CBLB: variants seen among roughly 807,000 people sequenced by gnomAD.
CBLB encodes the protein Cbl proto-oncogene B, also known as E3 ubiquitin-protein ligase CBL-B.
In CBLB, 31 loss-of-function variants were observed where a neutral mutation model predicts 104.9. The ratio of observed to expected loss-of-function variants is 0.30; its 90% CI spans 0.22 to 0.40. The LOEUF is 0.40. CBLB is among the 10% of genes least tolerant of loss of function. CBLB has a pLI of 1.00. For synonymous variants in CBLB, 440 were observed against 422.6 expected (o/e 1.04, Z -0.51); for missense variants, 1,062 against 1,214.6 (o/e 0.87, Z 1.87).
At chr3:105,778,561 A>T (rs867779653) in intron 3 of CBLB, among the ~76,000 whole-genome samples, 5 of 149,646 alleles carry the variant, frequency 3.3e-5, no homozygotes, top group African/African-American at 1.0e-4. Context: ...AAAAAAGTTT[A>T]AAAAAAAACA....
intron 9 of CBLB, among the ~76,000 whole-genome samples, chr3:105,725,823 T>C (rs1038517666): frequency 6.6e-6 from 1 of 152,114 alleles, no homozygotes; most frequent in African/African-American, 2.4e-5. Context: ...TGAAGGAAGA[T>C]AGAGTAAAAC....
At chr3:105,806,867 G>A (rs1421660189) in intron 3 of CBLB, among the ~76,000 whole-genome samples, 1 of 152,096 alleles carries the variant, frequency 6.6e-6, no homozygotes, top group Non-Finnish European at 1.5e-5. Flanking sequence ...AGGCTGATTT[G>A]TGTAAAACAT....
intron 3 of CBLB, among the ~76,000 whole-genome samples, chr3:105,845,658 A>G (rs1259024237): frequency 1.3e-5 from 2 of 152,050 alleles, no homozygotes; most frequent in African/African-American, 4.8e-5. Context: ...ACACAGGGCC[A>G]TAAAGTCCTT....
In CBLB at chr3:105,691,007, A is replaced by C. The variant is rs2067623014; in HGVS notation, c.2054+2487T>G. Among the ~76,000 whole-genome samples, 3 of 152,212 alleles carry C rather than the reference A, an allele frequency of 2.0e-5. No homozygotes were observed. In the South Asian group the frequency reaches 6.2e-4, roughly 31 times the overall value. On this transcript the variant is annotated intron_variant, in intron 13 of 18. Coordinates refer to ENST00000394030, the MANE Select transcript of CBLB (RefSeq NM_170662.5). ...AGGAGGGCATAAAATTATCTCTACC[A>C]TATAATCTAAATAAGGTAAAAACAA... is the stretch of plus-strand genomic sequence containing the variant.
At chr3:105,684,831 G>A (rs151292940) in intron 14 of CBLB, among the ~76,000 whole-genome samples, 2,003 of 152,290 alleles carry the variant, frequency 0.013, 51 homozygotes, top group African/African-American at 0.045. Context: ...GATTACAGGC[G>A]TGAGCCACCA....
intron 5 of CBLB, among the ~76,000 whole-genome samples, chr3:105,746,718 G>C (rs2076135196): frequency 6.6e-6 from 1 of 152,142 alleles, no homozygotes; most frequent in Non-Finnish European, 1.5e-5. Context: ...GTTAACAACT[G>C]CTTCATTTTA....
chr3:105,703,329 CA>C (rs1228988503), intron 11 of CBLB, among the ~76,000 whole-genome samples: 1 of 152,026 alleles, frequency 6.6e-6, no homozygotes, highest in Non-Finnish European at 1.5e-5. Flanking sequence ...ATTGTGCTTC[CA>C]ACAAATTTTA....
chr3:105,824,845 C>T (rs567685126), intron 3 of CBLB, among the ~76,000 whole-genome samples: 1 of 152,072 alleles, frequency 6.6e-6, no homozygotes, highest in East Asian at 1.9e-4. Flanking sequence ...CATCATTCCA[C>T]CTTCTCTTGT....
intron 11 of CBLB, 31 bp from the exon 12 acceptor site, chr3:105,702,490 A>AAAAAAAAAAAAAAAC: frequency 6.8e-7 from 1 of 1,477,710 alleles, no homozygotes; most frequent in South Asian, 1.3e-5. Context: ...AAAAAAAAAA[A>AAAAAAAAAAAAAAAC]AAAAAAAAAC....
intron 9 of CBLB, among the ~76,000 whole-genome samples, chr3:105,727,180 G>C (rs2152842227): frequency 6.6e-6 from 1 of 152,292 alleles, no homozygotes; most frequent in Non-Finnish European, 1.5e-5. Context: ...CAGTGTAAAA[G>C]CACTCCTATT....
chr3:105,757,208 C>A (rs143434176), intron 4 of CBLB, among the ~76,000 whole-genome samples: 1 of 152,016 alleles, frequency 6.6e-6, no homozygotes, highest in African/African-American at 2.4e-5. Flanking sequence ...TAAAGAAATA[C>A]CTGAGACTGG....
At chr3:105,742,786 T>G (rs984576100) in intron 6 of CBLB, among the ~76,000 whole-genome samples, 1 of 152,222 alleles carries the variant, frequency 6.6e-6, no homozygotes, top group Non-Finnish European at 1.5e-5. Flanking sequence ...CACATCTGCA[T>G]TGCTAGTAAT....
intron 3 of CBLB, among the ~76,000 whole-genome samples, chr3:105,830,298 A>G (rs1170133651): frequency 6.6e-6 from 1 of 152,224 alleles, no homozygotes; most frequent in Non-Finnish European, 1.5e-5. Flanking sequence ...TATGACAGAC[A>G]TTTAGATCCT....
chr3:105,786,834 C>A (rs762265272), intron 3 of CBLB, among the ~76,000 whole-genome samples: 1 of 152,076 alleles, frequency 6.6e-6, no homozygotes, highest in Non-Finnish European at 1.5e-5. Flanking sequence ...GATAAATTAG[C>A]ACATCACATG....
chr3:105,801,650 C>A (rs2082880367), intron 3 of CBLB, among the ~76,000 whole-genome samples: 1 of 152,240 alleles, frequency 6.6e-6, no homozygotes, highest in Non-Finnish European at 1.5e-5. Context: ...CTTCCTAAAA[C>A]AGGCTGGGCC....
intron 18 of CBLB, among the ~76,000 whole-genome samples, chr3:105,668,041 T>C (rs2064666332): frequency 6.6e-6 from 1 of 152,210 alleles, no homozygotes; most frequent in Non-Finnish European, 1.5e-5. Flanking sequence ...GTGAACTTCA[T>C]GTGAACAAAC....
intron 3 of CBLB, among the ~76,000 whole-genome samples, chr3:105,782,589 T>C (rs200119090): frequency 5.3e-5 from 8 of 149,644 alleles, no homozygotes; most frequent in Admixed American, 6.6e-5. Flanking sequence ...TTTTTTTTTT[T>C]TTTTTTTTTT....
At position 105,659,292 on chromosome 3, in the gene CBLB, C is replaced by A. The variant is rs2063555164; in HGVS notation, c.2690-63G>T. The A allele has an allele frequency of 4.7e-5, 65 of 1,383,818 alleles. 1 individual carries two copies. In the South Asian group the frequency reaches 7.5e-4, roughly 16 times the overall value. The allele number at this position is 1,383,818 out of a possible 1,614,324, so 85.7% of individuals were successfully genotyped here. A position where few individuals can be genotyped will look rare whatever the true frequency, so the allele number is the denominator to read the frequency against. ...TGAAATAAAAATGAAGGCAAGATAA[C>A]ATAACAGCATTATCTCATTTCCTAT... On this transcript the variant is annotated intron_variant, in intron 18 of 18. Coordinates refer to ENST00000394030, the MANE Select transcript of CBLB (RefSeq NM_170662.5).
chr3:105,671,298 TA>T (rs1559757453), intron 17 of CBLB: 2 of 210,410 alleles, frequency 9.5e-6, no homozygotes, highest in African/African-American at 4.5e-5. Context: ...TTTCCTCTCA[TA>T]GTACTTTTAT....
Sources: gnomAD v4.1 joint callset for allele counts (sites outside exome capture counted in the v4.1 genomes callset) on GRCh38, gnomAD v4.1.1 for gene constraint, MANE v1.5 for transcripts, NCBI Gene and HGNC (gene_info 2026-07-23, HGNC 2026-07-21) for gene names.